The following GALNT13 variants were observed in gnomAD, a reference collection of about 807,000 sequenced individuals.
GALNT13 encodes the protein UDP-GalNAc:polypeptide N-acetylgalactosaminyltransferase 13.
In GALNT13, 28 loss-of-function variants were observed where a neutral mutation model predicts 64.2. The observed-to-expected ratio is 0.44, with a 90% CI of 0.32 to 0.60. GALNT13 has a LOEUF of 0.60. Ranked by LOEUF, GALNT13 falls within the 20% of genes least tolerant of loss-of-function variation. The pLI is 0.05. For synonymous variants in GALNT13, 214 were observed against 224.6 expected (o/e 0.95, Z 0.42); for missense variants, 577 against 669.8 (o/e 0.86, Z 1.53).
chr2:154,307,088 A>G (rs1017180067), intron 9 of GALNT13, among the ~76,000 whole-genome samples: 11 of 151,998 alleles, frequency 7.2e-5, no homozygotes, highest in African/African-American at 2.7e-4. Context: ...TAGAAGCAAG[A>G]TGGAGTTGGG....
chr2:153,215,110 G>A, the GALNT13 span, among the ~76,000 whole-genome samples: 1 of 151,972 alleles, frequency 6.6e-6, no homozygotes, highest in African/African-American at 2.4e-5. Context: ...ACTATTTAAA[G>A]TTTATTTATT....
At chr2:154,004,301 G>T (rs2105229284) in intron 3 of GALNT13, among the ~76,000 whole-genome samples, 1 of 152,108 alleles carries the variant, frequency 6.6e-6, no homozygotes, top group African/African-American at 2.4e-5. Flanking sequence ...CACCTCCCAG[G>T]TTCAAGCGAT....
the GALNT13 span, among the ~76,000 whole-genome samples, chr2:153,270,471 A>C: frequency 6.6e-6 from 1 of 152,202 alleles, no homozygotes; most frequent in Admixed American, 6.5e-5. Context: ...AGGCAGTTTG[A>C]CTTCAGTGCC....
the GALNT13 span, among the ~76,000 whole-genome samples, chr2:153,237,036 A>G: frequency 6.6e-6 from 1 of 152,094 alleles, no homozygotes; most frequent in Non-Finnish European, 1.5e-5. Flanking sequence ...GAGTTTCAAG[A>G]CTTCAATGGA....
At chr2:153,673,584 A>G in the GALNT13 span, among the ~76,000 whole-genome samples, 1 of 152,198 alleles carries the variant, frequency 6.6e-6, no homozygotes, top group Non-Finnish European at 1.5e-5. Context: ...TATTTATGAC[A>G]AACCACGCCA....
intron 3 of GALNT13, among the ~76,000 whole-genome samples, chr2:153,985,364 T>C (rs1694730689): frequency 6.6e-6 from 1 of 152,012 alleles, no homozygotes; most frequent in Admixed American, 6.6e-5. Flanking sequence ...CTGTAATACA[T>C]AGAACATACC....
chr2:154,256,767 T>G (rs148814902), intron 7 of GALNT13, among the ~76,000 whole-genome samples: 40 of 152,316 alleles, frequency 2.6e-4, no homozygotes, highest in African/African-American at 8.9e-4. Flanking sequence ...TAGGTAGTGT[T>G]CACAGTCATT....
chr2:154,219,554 A>G (rs1372992563), intron 4 of GALNT13, among the ~76,000 whole-genome samples: 2 of 152,104 alleles, frequency 1.3e-5, no homozygotes, highest in African/African-American at 2.4e-5. Context: ...CATCACTGGC[A>G]TGCCTCAAGT....
intron 8 of GALNT13, among the ~76,000 whole-genome samples, chr2:154,264,556 G>T (rs1690880733): frequency 6.6e-6 from 1 of 151,510 alleles, no homozygotes; most frequent in Non-Finnish European, 1.5e-5. Context: ...AGAATCGCTT[G>T]AACCCAGGAG....
intron 11 of GALNT13, among the ~76,000 whole-genome samples, chr2:154,433,108 C>T (rs10932026): frequency 0.19 from 29,229 of 152,006 alleles, 3,059 homozygotes; most frequent in East Asian, 0.51. Flanking sequence ...TTTCATTTTG[C>T]ACTGGGACCT....
intron 8 of GALNT13, among the ~76,000 whole-genome samples, chr2:154,263,525 T>C (rs184968903): frequency 6.9e-4 from 105 of 152,272 alleles, no homozygotes; most frequent in Non-Finnish European, 1.1e-3. Flanking sequence ...AGAGAAAAAG[T>C]CATTTAAACC....
chr2:153,107,352 GATGT>G, the GALNT13 span, among the ~76,000 whole-genome samples: 2 of 152,162 alleles, frequency 1.3e-5, no homozygotes, highest in South Asian at 4.1e-4. Flanking sequence ...GAACACCCAT[GATGT>G]ATGTTAAAAT....
intron 8 of GALNT13, among the ~76,000 whole-genome samples, chr2:154,298,596 A>G (rs1693133899): frequency 2.9e-4 from 1 of 3,412 alleles, no homozygotes; most frequent in Non-Finnish European, 2.0e-3. Context: ...ATTTATATAT[A>G]CAATGTATAT....
At chr2:153,687,701 C>T in the GALNT13 span, among the ~76,000 whole-genome samples, 8 of 151,946 alleles carry the variant, frequency 5.3e-5, no homozygotes, top group East Asian at 1.5e-3. Flanking sequence ...CTCTTTTGTA[C>T]AATAACATAG....
the GALNT13 span, among the ~76,000 whole-genome samples, chr2:153,756,369 A>G: frequency 6.6e-6 from 1 of 152,138 alleles, no homozygotes; most frequent in Non-Finnish European, 1.5e-5. Flanking sequence ...GTGCTTATAA[A>G]TTGTGCATTG....
At chr2:154,025,748 G>T (rs1189650743) in intron 3 of GALNT13, among the ~76,000 whole-genome samples, 2 of 152,166 alleles carry the variant, frequency 1.3e-5, no homozygotes, top group Non-Finnish European at 2.9e-5. Context: ...GTCTTGAGGA[G>T]ATTACAGCTT....
At chr2:154,367,358 G>T (rs370351543) in intron 9 of GALNT13, among the ~76,000 whole-genome samples, 1 of 152,204 alleles carries the variant, frequency 6.6e-6, no homozygotes, top group African/African-American at 2.4e-5. Context: ...TTAGCAAATG[G>T]TCCAGAAGTA....
intron 8 of GALNT13, among the ~76,000 whole-genome samples, chr2:154,301,203 A>G (rs1363483623): frequency 2.0e-5 from 3 of 152,214 alleles, no homozygotes; most frequent in Non-Finnish European, 4.4e-5. Flanking sequence ...TCTTACCTCC[A>G]TAATTCCAAT....
the GALNT13 span, among the ~76,000 whole-genome samples, chr2:153,140,793 A>C: frequency 3.9e-5 from 6 of 152,214 alleles, no homozygotes; most frequent in African/African-American, 1.4e-4. Context: ...TCACCGAAAG[A>C]AAACAGAAAG....
Sources: gnomAD v4.1 joint callset for allele counts (sites outside exome capture counted in the v4.1 genomes callset) on GRCh38, gnomAD v4.1.1 for gene constraint, MANE v1.5 for transcripts, NCBI Gene and HGNC (gene_info 2026-07-23, HGNC 2026-07-21) for gene names.